The following TENM2 variants were observed in gnomAD, a reference collection of about 807,000 sequenced individuals.
The protein encoded by TENM2 is teneurin-2.
A neutral mutation model predicts 245.2 loss-of-function variants in TENM2; 52 were observed. That is an observed-to-expected ratio of 0.21 (90% CI 0.17 to 0.27). The LOEUF (loss-of-function observed/expected upper bound fraction) is 0.27. Among genes scored for constraint, TENM2 ranks in the 10% least tolerant of loss-of-function variants. The pLI, the probability that TENM2 is intolerant of heterozygous loss-of-function variation, is 1.00. For missense variants in TENM2, 3,046 were observed against 3,666.8 expected (o/e 0.83, Z 4.37); for synonymous variants, 1,363 against 1,438.9 (o/e 0.95, Z 1.19).
intron 2 of TENM2, chr5:167,728,690 C>T (rs988780603): frequency 6.6e-6 from 1 of 152,236 alleles, no homozygotes; most frequent in African/African-American, 2.4e-5. Flanking sequence ...TGTGTTTTAT[C>T]TACAGCTCGA....
At chr5:167,408,289 A>C (rs2068650) in intron 2 of TENM2, among the ~76,000 whole-genome samples, 68,111 of 151,952 alleles carry the variant, frequency 0.45, 15,622 homozygotes, top group Admixed American at 0.5. Flanking sequence ...AAAAGCAATG[A>C]AATAAATATT....
chr5:167,156,029 C>A, the TENM2 span, among the ~76,000 whole-genome samples: 2 of 152,088 alleles, frequency 1.3e-5, no homozygotes, highest in African/African-American at 4.8e-5. Flanking sequence ...TGTTAGTGGG[C>A]AAATGAAGTG....
chr5:167,002,622 T>C, the TENM2 span, among the ~76,000 whole-genome samples: 1 of 150,670 alleles, frequency 6.6e-6, no homozygotes, highest in East Asian at 1.9e-4. Context: ...CTGGATAACA[T>C]GGCAGGACTC....
the TENM2 span, among the ~76,000 whole-genome samples, chr5:167,158,903 CCTTCCTCTTCCTCT>C: frequency 8.0e-4 from 109 of 136,002 alleles, no homozygotes; most frequent in Non-Finnish European, 1.3e-3. Context: ...TTCCTTCCTT[CCTTCCTCTTCCTCT>C]CTCTCTCTCT....
chr5:167,971,656 G>A (rs1011359020), intron 4 of TENM2, among the ~76,000 whole-genome samples: 6 of 152,158 alleles, frequency 3.9e-5, no homozygotes, highest in Admixed American at 3.9e-4. Context: ...AGCCAAGATC[G>A]CGCCACTGCA....
At chr5:168,095,641 G>C (rs1254875108) in intron 8 of TENM2, among the ~76,000 whole-genome samples, 1 of 152,084 alleles carries the variant, frequency 6.6e-6, no homozygotes, top group East Asian at 1.9e-4. Flanking sequence ...TTGCATATGA[G>C]GGGACTATAT....
At chr5:167,120,139 G>T in the TENM2 span, among the ~76,000 whole-genome samples, 1 of 152,162 alleles carries the variant, frequency 6.6e-6, no homozygotes, top group Non-Finnish European at 1.5e-5. Context: ...AGATGCCCAG[G>T]TTAAGAAGGA....
intron 2 of TENM2, among the ~76,000 whole-genome samples, chr5:167,702,552 G>GTATATATATATATATATATATACATACA (rs374895330): frequency 7.3e-6 from 1 of 136,782 alleles, no homozygotes; most frequent in African/African-American, 2.9e-5. Context: ...GTGTGTGTGT[G>GTATATATATATATATATATATACATACA]TATATATATA....
chr5:167,454,863 A>G, intron 2 of TENM2, among the ~76,000 whole-genome samples: 1 of 152,202 alleles, frequency 6.6e-6, no homozygotes, highest in South Asian at 2.1e-4. Flanking sequence ...TTACATGTCC[A>G]TGATGAAAGC....
the TENM2 span, among the ~76,000 whole-genome samples, chr5:167,273,782 C>A: frequency 6.6e-6 from 1 of 151,946 alleles, no homozygotes; most frequent in Admixed American, 6.6e-5. Flanking sequence ...AAAATAATGA[C>A]AGTAATAATT....
intron 2 of TENM2, among the ~76,000 whole-genome samples, chr5:167,717,519 T>C (rs1759349407): frequency 6.6e-6 from 1 of 152,212 alleles, no homozygotes. Context: ...TGAATGCTTA[T>C]TAACTTTTGC....
At chr5:167,141,984 A>G in the TENM2 span, among the ~76,000 whole-genome samples, 1 of 152,122 alleles carries the variant, frequency 6.6e-6, no homozygotes. Context: ...ATTATCAATG[A>G]CAAGTAGTTA....
chr5:167,697,803 G>C (rs1757868085), intron 2 of TENM2, among the ~76,000 whole-genome samples: 1 of 152,152 alleles, frequency 6.6e-6, no homozygotes, highest in Non-Finnish European at 1.5e-5. Context: ...TGGATTACAG[G>C]TGTGAGCCAC....
At chr5:168,034,121 GTATATATATATATGTATACATATATA>G (rs1562077454) in intron 5 of TENM2, among the ~76,000 whole-genome samples, 5 of 93,646 alleles carry the variant, frequency 5.3e-5, no homozygotes, top group African/African-American at 2.4e-4. Context: ...ATATATATGT[GTATATATATATATGTATACATATATA>G]TGTGTATATA....
At chr5:168,222,980 G>A (rs1763800003) in intron 23 of TENM2, among the ~76,000 whole-genome samples, 1 of 152,190 alleles carries the variant, frequency 6.6e-6, no homozygotes, top group Admixed American at 6.5e-5. Flanking sequence ...AGCCAAGGCT[G>A]GGCCAGTTCC....
chr5:167,667,730 T>C (rs1181177015), intron 2 of TENM2, among the ~76,000 whole-genome samples: 1 of 152,142 alleles, frequency 6.6e-6, no homozygotes, highest in Non-Finnish European at 1.5e-5. Flanking sequence ...TAGGCAGCCA[T>C]GTATGTCGCT....
intron 2 of TENM2, among the ~76,000 whole-genome samples, chr5:167,378,187 C>T (rs910913619): frequency 2.0e-5 from 3 of 152,044 alleles, no homozygotes; most frequent in African/African-American, 7.2e-5. Context: ...CAGAAACCAA[C>T]TTCCTTTTTG....
At chr5:167,126,747 T>C in the TENM2 span, among the ~76,000 whole-genome samples, 1 of 152,146 alleles carries the variant, frequency 6.6e-6, no homozygotes, top group Non-Finnish European at 1.5e-5. Flanking sequence ...GTTTAAAAAT[T>C]ATATAGAGGA....
chr5:167,559,428 C>G (rs997782935), intron 2 of TENM2, among the ~76,000 whole-genome samples: 2 of 152,200 alleles, frequency 1.3e-5, no homozygotes, highest in African/African-American at 4.8e-5. Flanking sequence ...AGGCCACAAC[C>G]ATTAGTGGAG....
Sources: allele counts gnomAD v4.1 joint callset (sites outside exome capture counted in the v4.1 genomes callset), GRCh38; gene constraint gnomAD v4.1.1; transcripts MANE v1.5; gene names NCBI Gene and HGNC (gene_info 2026-07-23, HGNC 2026-07-21).